AGO3: variants seen among roughly 807,000 people sequenced by gnomAD.
The protein encoded by AGO3 is argonaute RISC catalytic component 3.
Under a neutral mutation model 105.5 loss-of-function variants are expected in AGO3, and 16 were observed. That is an observed-to-expected ratio of 0.15 (90% confidence interval 0.10 to 0.23). AGO3 has a LOEUF of 0.23. Among genes scored for constraint, AGO3 ranks in the 10% least tolerant of loss-of-function variants. The pLI, the probability that AGO3 is intolerant of heterozygous loss-of-function variation, is 1.00. For missense variants in AGO3, 534 were observed against 1,088.0 expected, an observed-to-expected ratio of 0.49 and a Z score of 7.16; for synonymous variants, 340 against 367.3, an observed-to-expected ratio of 0.93 and a Z score of 0.85.
In AGO3 at chr1:35,931,252, A is replaced by T; in HGVS notation, c.-175A>T. The T allele has an allele frequency of 2.1e-6, 1 of 470,474 alleles. No individual in the cohort carries two copies. The highest frequency in any genetic ancestry group is 3.7e-6 in the Non-Finnish European group (1 of 269,486). 29.1% of individuals were successfully genotyped at this position (470,474 alleles called of 1,614,324 possible). ...AGTCCTGTGCCGTTTTCCGTCCGCGACTCTTCCGGCCCAGAGCTTTCGGAG... is the reference window on the plus strand; with the variant it reads ...AGTCCTGTGCCGTTTTCCGTCCGCGTCTCTTCCGGCCCAGAGCTTTCGGAG... On this transcript the variant is annotated 5_prime_UTR_variant, in exon 1 of 19. Coordinates refer to ENST00000373191, the MANE Select transcript of AGO3 (RefSeq NM_024852.4).
At chr1:36,036,901 G>T (rs1167663536) in intron 14 of AGO3, among the ~76,000 whole-genome samples, 1 of 151,888 alleles carries the variant, frequency 6.6e-6, no homozygotes. Flanking sequence ...TCACCATGTT[G>T]GCCAGGCTGG....
chr1:35,949,802 T>C (rs530478768), intron 2 of AGO3, among the ~76,000 whole-genome samples: 2 of 152,228 alleles, frequency 1.3e-5, no homozygotes, highest in Non-Finnish European at 2.9e-5. Flanking sequence ...AAATTTTTAT[T>C]TGCAGGAGAC....
chr1:35,977,212 A>G (rs1016288101), intron 5 of AGO3, among the ~76,000 whole-genome samples: 2 of 149,206 alleles, frequency 1.3e-5, no homozygotes, highest in Non-Finnish European at 3.0e-5. Context: ...AAGCTCGTGT[A>G]ACCCATAGAT....
At chr1:35,933,054 A>G (rs1571398081) in intron 1 of AGO3, among the ~76,000 whole-genome samples, 2 of 152,158 alleles carry the variant, frequency 1.3e-5, no homozygotes, top group South Asian at 4.1e-4. Flanking sequence ...CAGAAAATAC[A>G]TTTTACCTCT....
intron 17 of AGO3, among the ~76,000 whole-genome samples, chr1:36,049,247 C>G (rs923165551): frequency 5.9e-5 from 9 of 152,082 alleles, no homozygotes; most frequent in Non-Finnish European, 4.4e-5. Context: ...GGGCTGGGTG[C>G]AGTGGCTCAC....
intron 14 of AGO3, among the ~76,000 whole-genome samples, chr1:36,039,015 CTT>C (rs1213734938): frequency 6.6e-6 from 1 of 152,110 alleles, no homozygotes; most frequent in Admixed American, 6.6e-5. Flanking sequence ...TTTCTTTTCT[CTT>C]ATTCTCTTAT....
At chr1:36,049,560 A>G (rs1642617191) in intron 17 of AGO3, among the ~76,000 whole-genome samples, 1 of 151,932 alleles carries the variant, frequency 6.6e-6, no homozygotes, top group South Asian at 2.1e-4. Flanking sequence ...TGCTAAGCTC[A>G]CCATCTGGGT....
chr1:36,056,548 TAAG>T lies in AGO3; in HGVS notation c.*806_*808del. 1 of 151,920 alleles carries T rather than the reference TAAG, an allele frequency of 6.6e-6. No individual in the cohort carries two copies. The highest frequency in any genetic ancestry group is 1.9e-4 in the East Asian group (1 of 5,190). The allele number at this position is 151,920 out of a possible 1,614,324, so 9.4% of individuals were successfully genotyped here. A position where few individuals can be genotyped will look rare whatever the true frequency, so the allele number is the denominator to read the frequency against. On this transcript the variant is annotated 3_prime_UTR_variant, in exon 19 of 19. Coordinates refer to ENST00000373191, the MANE Select transcript of AGO3 (RefSeq NM_024852.4). ...TTCTCAACTCTTGATATTGCTGTCT[TAAG>T]AAACAAAATTTTATATATATATGTA...
chr1:36,044,903 T>C (rs546944757), intron 17 of AGO3, among the ~76,000 whole-genome samples: 1 of 152,242 alleles, frequency 6.6e-6, no homozygotes, highest in South Asian at 2.1e-4. Flanking sequence ...TGTCTGAGAG[T>C]CTATAACCCA....
At chr1:36,011,860 GT>G (rs1239142681) in intron 9 of AGO3, among the ~76,000 whole-genome samples, 1 of 152,178 alleles carries the variant, frequency 6.6e-6, no homozygotes, top group Non-Finnish European at 1.5e-5. Flanking sequence ...TAAAAGAACT[GT>G]TTTTGTAGCT....
intron 2 of AGO3, among the ~76,000 whole-genome samples, chr1:35,952,227 A>G (rs1462017506): frequency 2.7e-5 from 4 of 145,474 alleles, no homozygotes; most frequent in Non-Finnish European, 5.9e-5. Flanking sequence ...GCTCACTGCA[A>G]CCTCTGCCTC....
rs969131972 is a variant in AGO3, at chr1:35,931,388, G to A, written c.-39G>A. ...GCCGCCTCCTTGCCGCCAGTGGCGG[G>A]CTCCGTTCTCCCTCGAAGCACTCCC... On this transcript the variant is annotated 5_prime_UTR_variant, in exon 1 of 19. Coordinates refer to ENST00000373191, the MANE Select transcript of AGO3 (RefSeq NM_024852.4). 2 of 1,406,924 alleles carry A rather than the reference G, an allele frequency of 1.4e-6. No individual in the cohort carries two copies. The highest frequency in any genetic ancestry group is 1.9e-4 in the Middle Eastern group (1 of 5,362). 87.2% of individuals were successfully genotyped at this position (1,406,924 alleles called of 1,614,324 possible).
chr1:36,034,117 T>C (rs770564643), intron 12 of AGO3, 57 bp from the exon 13 acceptor site: 2 of 1,425,002 alleles, frequency 1.4e-6, no homozygotes, highest in East Asian at 2.5e-5. Flanking sequence ...ATTTTCAGTA[T>C]GTAAAATTAT....
Position 35,936,937 on chromosome 1 carries a change from A to G in AGO3, c.19+5492A>G, listed in dbSNP as rs535036930. ...AATGTGTTCTCAATTGTAAGCTTAC[A>G]TAATACTACTTTTGAGTCATTACTA... is the stretch of plus-strand genomic sequence containing the variant. On this transcript the variant is annotated intron_variant, in intron 1 of 18. Coordinates refer to ENST00000373191, the MANE Select transcript of AGO3 (RefSeq NM_024852.4). 1.1e-4 allele frequency among the ~76,000 whole-genome samples: 17 copies of G among 152,326 alleles called. 1 individual carries two copies. In the South Asian group the frequency reaches 3.3e-3, roughly 30 times the overall value.
Position 36,063,916 on chromosome 1 carries a change from T to C in AGO3, c.*8171T>C, listed in dbSNP as rs1643054521. On this transcript the variant is annotated 3_prime_UTR_variant, in exon 19 of 19. Coordinates refer to ENST00000373191, the MANE Select transcript of AGO3 (RefSeq NM_024852.4). ...CACATGCGCCACCATGCCCAGCTAA[T>C]GGTTTTTTTCTTTAGAGATGGGGGT... The C allele has an allele frequency of 6.6e-6, 1 of 152,148 alleles. No homozygotes were observed. The highest frequency in any genetic ancestry group is 2.4e-5 in the African/African-American group (1 of 41,442). 9.4% of individuals were successfully genotyped at this position (152,148 alleles called of 1,614,324 possible).
chr1:36,013,624 T>G lies in AGO3; in HGVS notation c.1150-6T>G. ...GAGAGTAACTACAAACTTTTTCTAT[T>G]TTTAGGTAAGAAGTGCAAATTATGA... On this transcript the variant is annotated splice_polypyrimidine_tract_variant and splice_region_variant and intron_variant, in intron 9 of 18. Transcript: ENST00000373191. 6.2e-7 allele frequency: 1 copy of G among 1,612,894 alleles called. No homozygotes were observed. Among genetic ancestry groups the G allele is most frequent in the Non-Finnish European group, 8.5e-7 (1 of 1,179,168 alleles).
At chr1:36,036,851 T>G (rs935125729) in intron 14 of AGO3, among the ~76,000 whole-genome samples, 10 of 152,020 alleles carry the variant, frequency 6.6e-5, no homozygotes, top group Non-Finnish European at 1.3e-4. Flanking sequence ...CCTGCCACCA[T>G]GCCCGGCTAA....
At position 35,933,303 on chromosome 1, in the gene AGO3, A is replaced by G. The variant is rs192314464; in HGVS notation, c.19+1858A>G. On this transcript the variant is annotated intron_variant, in intron 1 of 18. Coordinates refer to ENST00000373191, the MANE Select transcript of AGO3 (RefSeq NM_024852.4). ...TTCCTGAGACTTGTATATAATTGGT[A>G]TGCTTAGCTTTAAGTTGAAAGCATA... 4.9e-4 allele frequency among the ~76,000 whole-genome samples: 75 copies of G among 152,316 alleles called. 1 individual carries two copies. The highest frequency in any genetic ancestry group is 8.8e-4 in the Non-Finnish European group (60 of 68,020).
At chr1:35,943,429 G>A (rs932833721) in intron 1 of AGO3, among the ~76,000 whole-genome samples, 1 of 150,528 alleles carries the variant, frequency 6.6e-6, no homozygotes, top group Non-Finnish European at 1.5e-5. Flanking sequence ...AGCCTCCCAG[G>A]TATCTGGGAT....
Sources: allele counts gnomAD v4.1 joint callset (sites outside exome capture counted in the v4.1 genomes callset), GRCh38; gene constraint gnomAD v4.1.1; transcripts MANE v1.5; gene names NCBI Gene and HGNC (gene_info 2026-07-23, HGNC 2026-07-21).